The following RNF145 variants were observed in gnomAD, a reference collection of about 807,000 sequenced individuals.
RNF145 encodes the protein ring finger protein 145.
Under a neutral mutation model 57.3 loss-of-function variants are expected in RNF145, and 12 were observed. The observed-to-expected ratio is 0.21, with a 90% CI of 0.13 to 0.34. RNF145 has a LOEUF of 0.34. Among genes scored for constraint, RNF145 ranks in the 10% least tolerant of loss-of-function variants. The probability of loss-of-function intolerance (pLI) is 1.00; values close to 1 mark genes in which losing one functional copy is unlikely to be tolerated. For missense variants in RNF145, 429 were observed against 799.0 expected, an observed-to-expected ratio of 0.54 and a Z score of 5.58; for synonymous variants, 262 against 288.3, an observed-to-expected ratio of 0.91 and a Z score of 0.92.
chr5:159,180,892 C>G (rs1268809466), intron 4 of RNF145, among the ~76,000 whole-genome samples: 1 of 151,858 alleles, frequency 6.6e-6, no homozygotes, highest in Non-Finnish European at 1.5e-5. Flanking sequence ...ATTTTGCAGG[C>G]TGAAAAGGCA....
At chr5:159,187,562 T>C (rs1183115038) in intron 3 of RNF145, among the ~76,000 whole-genome samples, 1 of 151,982 alleles carries the variant, frequency 6.6e-6, no homozygotes, top group Non-Finnish European at 1.5e-5. Context: ...TGCCTGACCT[T>C]GTGATTCACC....
chr5:159,208,096 C>T, intron 1 of RNF145: 1 of 1,458,372 alleles, frequency 6.9e-7, no homozygotes, highest in East Asian at 2.5e-5. Context: ...CTGCTCACTG[C>T]ACAGGCCCCT....
intron 5 of RNF145, 55 bp from the exon 6 acceptor site, chr5:159,174,213 T>C (rs1784644248): frequency 8.3e-7 from 1 of 1,207,972 alleles, no homozygotes; most frequent in African/African-American, 1.5e-5. Flanking sequence ...ATAAACACTT[T>C]AAACACTTGA....
At chr5:159,189,417 C>T (rs1785206967) in intron 3 of RNF145, among the ~76,000 whole-genome samples, 1 of 152,212 alleles carries the variant, frequency 6.6e-6, no homozygotes, top group African/African-American at 2.4e-5. Context: ...CCTCTTCACA[C>T]TCACTGTAAT....
chr5:159,194,578 T>G, intron 3 of RNF145, 138 bp downstream of exon 3: 1 of 639,210 alleles, frequency 1.6e-6, no homozygotes, highest in East Asian at 2.6e-5. Context: ...TGTGTAAGAT[T>G]TGGAAAATGA....
At position 159,176,738 on chromosome 5, in the gene RNF145, T is replaced by C. The variant is rs141003093; in HGVS notation, c.515A>G (p.Asn172Ser). The C allele has an allele frequency of 6.5e-5, 104 of 1,612,270 alleles. No individual in the cohort carries two copies. Among genetic ancestry groups the C allele is most frequent in the East Asian group, 2.7e-4 (12 of 44,854 alleles). Residue 172 changes from asparagine (N) to serine (S), a missense_variant, in exon 5 of 11, where the codon AAT (asparagine) becomes AGT (serine). Around this residue, in one of 4 missense-constraint regions of RNF145, gnomAD observed 109 missense variants for 207.2 expected, o/e 0.53. Coordinates refer to ENST00000424310, the MANE Select transcript of RNF145 (RefSeq NM_001199383.2). ...TCCAGTAAAAATCATAGCAAATTTA[T>C]TGATGATAACAATTGTCTCCAAAGG... Reference protein sequence around the residue: ...LVPLETIVIINKFAMIFTGLE... With the variant: ...LVPLETIVIISKFAMIFTGLE...
chr5:159,164,419 A>G (rs1321746490), intron 8 of RNF145, among the ~76,000 whole-genome samples: 1 of 152,166 alleles, frequency 6.6e-6, no homozygotes, highest in Non-Finnish European at 1.5e-5. Flanking sequence ...TTAAAAATCA[A>G]GCCAGCTATG....
chr5:159,177,973 G>A (rs151123145), intron 4 of RNF145, among the ~76,000 whole-genome samples: 239 of 152,050 alleles, frequency 1.6e-3, no homozygotes, highest in African/African-American at 5.3e-3. Context: ...CTGCCTGATC[G>A]AAATAGTAAT....
At chr5:159,207,712 G>A in intron 1 of RNF145, 2 of 1,612,446 alleles carry the variant, frequency 1.2e-6, no homozygotes, top group Non-Finnish European at 1.7e-6. Context: ...AATATAGCTG[G>A]TCCTCCCCAC....
intron 8 of RNF145, among the ~76,000 whole-genome samples, chr5:159,165,099 G>A (rs997319427): frequency 2.0e-5 from 3 of 152,106 alleles, no homozygotes; most frequent in Non-Finnish European, 2.9e-5. Flanking sequence ...ATTTGTCTGT[G>A]CATGTCCCTC....
At position 159,161,221 on chromosome 5, in the gene RNF145, T is replaced by TA. The variant is rs1360202464; in HGVS notation, c.1626+44dup. 2.4e-6 allele frequency: 3 copies of TA among 1,249,688 alleles called. No individual in the cohort carries two copies. The African/African-American group carries it at 4.4e-5, about 18-fold the overall frequency. 77.4% of individuals were successfully genotyped at this position (1,249,688 alleles called of 1,614,324 possible). A position where few individuals can be genotyped will look rare whatever the true frequency, so the allele number is the denominator to read the frequency against. The stretch of plus-strand genomic sequence containing the variant: ...TTAATATGGTTACAGTCCCAAGGGA[T>TA]ACACTGTATGACTTACCCAAACACA... On this transcript the variant is annotated intron_variant, in intron 10 of 10. Transcript: ENST00000424310.
In RNF145 at chr5:159,168,881, A is replaced by C; in HGVS notation, c.1113T>G (p.Ser371=). ...ADPIVLALGA[S]RDKSLWKHFR... is the part of the protein sequence containing the mutation. Reference sequence around the variant, plus strand: ...ATTAAGAGGTTTCTTACTTGTCTCTAGATGCTCCCAGTGCCAAAACAATAG... The same window carrying C: ...ATTAAGAGGTTTCTTACTTGTCTCTCGATGCTCCCAGTGCCAAAACAATAG... Residue 371 remains serine, a synonymous_variant, in exon 8 of 11, where the codon TCT becomes TCG. Coordinates refer to ENST00000424310, the MANE Select transcript of RNF145 (RefSeq NM_001199383.2). 3 of 1,552,994 alleles carry C rather than the reference A, an allele frequency of 1.9e-6. No individual in the cohort carries two copies. Among genetic ancestry groups the C allele is most frequent in the Non-Finnish European group, 2.6e-6 (3 of 1,155,366 alleles).
intron 9 of RNF145, among the ~76,000 whole-genome samples, chr5:159,162,670 A>G (rs965507029): frequency 1.3e-5 from 2 of 151,204 alleles, no homozygotes; most frequent in African/African-American, 2.4e-5. Context: ...TCCTGACCTC[A>G]TGATCCACCC....
chr5:159,163,598 G>C (rs1784300590), intron 8 of RNF145, among the ~76,000 whole-genome samples: 1 of 152,190 alleles, frequency 6.6e-6, no homozygotes, highest in South Asian at 2.1e-4. Flanking sequence ...AGACATGACT[G>C]AGAGCAACTG....
chr5:159,164,146 C>T (rs1784320421), intron 8 of RNF145, among the ~76,000 whole-genome samples: 2 of 151,976 alleles, frequency 1.3e-5, no homozygotes. Context: ...CTATTATAAT[C>T]AGTAATTCAG....
rs781545220 is a variant in RNF145, at chr5:159,169,696, A to G, written c.921T>C (p.Asn307=). The G allele has an allele frequency of 4.4e-6, 7 of 1,607,730 alleles. No individual in the cohort carries two copies. Among genetic ancestry groups the G allele is most frequent in the Non-Finnish European group, 5.1e-6 (6 of 1,177,974 alleles). The change falls in exon 7 of 11, where the codon AAT becomes AAC. Residue 307 remains asparagine, a synonymous_variant. Coordinates refer to ENST00000424310, the MANE Select transcript of RNF145 (RefSeq NM_001199383.2). ...GAACTTACCGATTCATGGCAGGATC[A>G]TTCATGAAAGCTCGATAACCCTGCA... is the stretch of plus-strand genomic sequence containing the variant. ...FYLQGYRAFM[N]DPAMNRGMTE...
Position 159,176,611 on chromosome 5 carries a change from T to G in RNF145, c.621+21A>C. The G allele has an allele frequency of 2.3e-6, 3 of 1,304,012 alleles. No individual in the cohort carries two copies. The South Asian group carries it at 3.7e-5, about 16-fold the overall frequency. The allele number at this position is 1,304,012 out of a possible 1,614,324, so 80.8% of individuals were successfully genotyped here. On this transcript the variant is annotated intron_variant, in intron 5 of 10. Transcript: ENST00000424310. Reference sequence around the variant, plus strand: ...TTATGTAGAATTTTATCTACCTGTTTGTGGTTGTCAGCAGTCTTACCTGAA... The same window carrying G: ...TTATGTAGAATTTTATCTACCTGTTGGTGGTTGTCAGCAGTCTTACCTGAA...
chr5:159,178,296 G>C (rs1784779158), intron 4 of RNF145, among the ~76,000 whole-genome samples: 1 of 151,862 alleles, frequency 6.6e-6, no homozygotes, highest in Non-Finnish European at 1.5e-5. Flanking sequence ...CTCAAAACTG[G>C]CTACTGGAAT....
At chr5:159,166,157 A>G (rs1784387949) in intron 8 of RNF145, among the ~76,000 whole-genome samples, 1 of 152,196 alleles carries the variant, frequency 6.6e-6, no homozygotes, top group Non-Finnish European at 1.5e-5. Flanking sequence ...ATCTCACTGT[A>G]GCCTTCACAT....
Sources: gnomAD v4.1 joint callset for allele counts (sites outside exome capture counted in the v4.1 genomes callset) on GRCh38, gnomAD v4.1.1 for gene constraint, gnomAD v4.1.1 regional missense constraint, MANE v1.5 for transcripts, NCBI Gene and HGNC (gene_info 2026-07-23, HGNC 2026-07-21) for gene names.